The following SLC38A9 variants were observed in gnomAD, a reference collection of about 807,000 sequenced individuals.
SLC38A9 encodes neutral amino acid transporter 9.
In SLC38A9, 48 loss-of-function variants were observed where a neutral mutation model predicts 62.3. The observed-to-expected ratio is 0.77, with a 90% CI of 0.61 to 0.98. The LOEUF (loss-of-function observed/expected upper bound fraction) is 0.98, where lower values mean the gene tolerates loss of function less well. SLC38A9 is among the 50% of genes least tolerant of loss of function. The probability of loss-of-function intolerance (pLI) is 0.00; values close to 1 mark genes in which losing one functional copy is unlikely to be tolerated. For synonymous variants in SLC38A9, 204 were observed against 227.7 expected (o/e 0.90, Z 0.94); for missense variants, 541 against 679.8 (o/e 0.80, Z 2.27).
rs759916164 is a variant in SLC38A9 at position 55,633,939 on chromosome 5, C to T, written c.1282-37G>A. 14 of 1,480,482 alleles carry T rather than the reference C, an allele frequency of 9.5e-6. No homozygotes were observed. The East Asian group carries it at 2.5e-4, about 26-fold the overall frequency. 91.7% of individuals were successfully genotyped at this position (1,480,482 alleles called of 1,614,324 possible). A position where few individuals can be genotyped will look rare whatever the true frequency, so the allele number is the denominator to read the frequency against. ...AAGATAATGAGGTCATGTTAAAAATCAAATTCAGTACACACATTCATAAAA... is the reference window on the plus strand; with the variant it reads ...AAGATAATGAGGTCATGTTAAAAATTAAATTCAGTACACACATTCATAAAA... On this transcript the variant is annotated intron_variant, in intron 13 of 15. Transcript: ENST00000396865.
At chr5:55,650,463 G>C (rs565713574) in intron 10 of SLC38A9, among the ~76,000 whole-genome samples, 1 of 152,350 alleles carries the variant, frequency 6.6e-6, no homozygotes, top group South Asian at 2.1e-4. Context: ...GAAGTCTGGT[G>C]ATTGTTGTGC....
chr5:55,647,402 C>T (rs981412173), intron 11 of SLC38A9, among the ~76,000 whole-genome samples: 5 of 152,194 alleles, frequency 3.3e-5, no homozygotes, highest in African/African-American at 1.2e-4. Context: ...AAACCCATCT[C>T]AGAGGATTCC....
chr5:55,698,047 C>T, intron 2 of SLC38A9, 55 bp from the exon 3 acceptor site: 1 of 660,208 alleles, frequency 1.5e-6, no homozygotes. Flanking sequence ...TATTATCCAT[C>T]ACTAATAAAT....
intron 3 of SLC38A9, among the ~76,000 whole-genome samples, chr5:55,682,091 T>C (rs1199661262): frequency 6.6e-6 from 1 of 152,020 alleles, no homozygotes; most frequent in Non-Finnish European, 1.5e-5. Flanking sequence ...GCAAAGGAGA[T>C]GAATGAGGGA....
intron 9 of SLC38A9, among the ~76,000 whole-genome samples, chr5:55,655,392 A>G (rs1748217302): frequency 6.6e-6 from 1 of 152,224 alleles, no homozygotes; most frequent in Admixed American, 6.5e-5. Context: ...TAGTTTCATC[A>G]ATTAATATCA....
At chr5:55,663,383 A>G (rs866599729) in intron 8 of SLC38A9, among the ~76,000 whole-genome samples, 2 of 150,874 alleles carry the variant, frequency 1.3e-5, no homozygotes, top group South Asian at 2.1e-4. Context: ...GTATACTGGT[A>G]TTTATATTAG....
chr5:55,661,301 C>T (rs925872024), intron 8 of SLC38A9, among the ~76,000 whole-genome samples: 5 of 151,832 alleles, frequency 3.3e-5, no homozygotes, highest in African/African-American at 1.2e-4. Flanking sequence ...AAACATTAGC[C>T]AGGCATGGTG....
At chr5:55,656,239 T>C (rs551578379) in intron 9 of SLC38A9, among the ~76,000 whole-genome samples, 1 of 151,434 alleles carries the variant, frequency 6.6e-6, no homozygotes, top group Non-Finnish European at 1.5e-5. Flanking sequence ...AAGCTTCAAT[T>C]TATTTTTCCA....
At chr5:55,693,303 C>G (rs941978477) in intron 3 of SLC38A9, 4 of 152,166 alleles carry the variant, frequency 2.6e-5, no homozygotes, top group African/African-American at 9.7e-5. Context: ...CTGCTCTGTA[C>G]TTCAATTTTT....
intron 3 of SLC38A9, among the ~76,000 whole-genome samples, chr5:55,683,368 G>A (rs1753309257): frequency 6.6e-6 from 1 of 152,024 alleles, no homozygotes; most frequent in Non-Finnish European, 1.5e-5. Context: ...GACTACCAAG[G>A]TAATTTAAAC....
At chr5:55,661,902 TA>T (rs1749643521) in intron 8 of SLC38A9, among the ~76,000 whole-genome samples, 1 of 151,830 alleles carries the variant, frequency 6.6e-6, no homozygotes, top group South Asian at 2.1e-4. Context: ...ATGGTCAATA[TA>T]ATTAAGAAAA....
At chr5:55,668,526 T>A (rs1023128491) in intron 7 of SLC38A9, among the ~76,000 whole-genome samples, 2 of 152,156 alleles carry the variant, frequency 1.3e-5, no homozygotes, top group Admixed American at 6.6e-5. Context: ...CACCACCAGG[T>A]CTGGCTTCTC....
intron 5 of SLC38A9, 42 bp from the exon 6 acceptor site, chr5:55,669,662 C>A (rs200559668): frequency 1.2e-5 from 19 of 1,592,018 alleles, no homozygotes; most frequent in Non-Finnish European, 1.5e-5. Context: ...TGGAGTTTCA[C>A]TCTTCAAACA....
intron 12 of SLC38A9, among the ~76,000 whole-genome samples, chr5:55,645,449 T>G (rs1306875764): frequency 6.6e-6 from 1 of 152,230 alleles, no homozygotes; most frequent in East Asian, 1.9e-4. Flanking sequence ...AAACTATGAC[T>G]CATGGGCCAA....
intron 3 of SLC38A9, chr5:55,673,213 ATGAGACTT>A (rs1751590659): frequency 6.5e-6 from 1 of 153,098 alleles, no homozygotes. Flanking sequence ...CAGATCCCTT[ATGAGACTT>A]ATCCAACTCA....
At chr5:55,710,086 G>GAAAAAAAAAAAGAAAAAGA (rs11394301) in intron 2 of SLC38A9, among the ~76,000 whole-genome samples, 1 of 118,904 alleles carries the variant, frequency 8.4e-6, no homozygotes, top group African/African-American at 3.2e-5. Context: ...AAAAAAAAAA[G>GAAAAAAAAAAAGAAAAAGA]AAAAAAAAAA....
intron 14 of SLC38A9, among the ~76,000 whole-genome samples, chr5:55,629,796 T>C (rs1743106986): frequency 6.6e-6 from 1 of 152,218 alleles, no homozygotes; most frequent in African/African-American, 2.4e-5. Flanking sequence ...AAACTAGAAT[T>C]TTGGAAAACT....
chr5:55,666,969 C>T (rs1006912548), intron 7 of SLC38A9, among the ~76,000 whole-genome samples: 1 of 148,022 alleles, frequency 6.8e-6, no homozygotes, highest in Non-Finnish European at 1.5e-5. Context: ...AAGCTGAGAT[C>T]GCGCCACTGC....
At chr5:55,654,331 A>G (rs1390877186) in intron 9 of SLC38A9, among the ~76,000 whole-genome samples, 1 of 152,118 alleles carries the variant, frequency 6.6e-6, no homozygotes, top group Admixed American at 6.5e-5. Context: ...AGCACAGGCT[A>G]TGGCAGCTGG....
Sources: gnomAD v4.1 joint callset for allele counts (sites outside exome capture counted in the v4.1 genomes callset) on GRCh38, gnomAD v4.1.1 for gene constraint, MANE v1.5 for transcripts, NCBI Gene and HGNC (gene_info 2026-07-23, HGNC 2026-07-21) for gene names.